NOX4: variants seen among roughly 807,000 people sequenced by gnomAD.
NOX4 encodes kidney oxidase-1.
Under a neutral mutation model 87.6 loss-of-function variants are expected in NOX4, and 69 were observed. The observed-to-expected ratio is 0.79, with a 90% CI of 0.65 to 0.96. NOX4 has a LOEUF of 0.96. Ranked by LOEUF, NOX4 falls within the 40% of genes least tolerant of loss-of-function variation. NOX4 has a pLI of 0.00. For missense variants in NOX4, 680 were observed against 681.5 expected (o/e 1.00, Z 0.02); for synonymous variants, 275 against 238.2 (o/e 1.15, Z -1.42).
chr11:89,488,445 G>A (rs1269409982), intron 2 of NOX4, among the ~76,000 whole-genome samples: 1 of 151,974 alleles, frequency 6.6e-6, no homozygotes, highest in Non-Finnish European at 1.5e-5. Context: ...GTGCATATGT[G>A]ATCTTAATCA....
At chr11:89,372,433 T>C (rs1939515437) in intron 12 of NOX4, among the ~76,000 whole-genome samples, 1 of 152,034 alleles carries the variant, frequency 6.6e-6, no homozygotes, top group South Asian at 2.1e-4. Context: ...ACTTTGTCTT[T>C]GTTTCATTTT....
At chr11:89,513,223 G>A in the NOX4 span, among the ~76,000 whole-genome samples, 2 of 151,886 alleles carry the variant, frequency 1.3e-5, no homozygotes. Context: ...AGGAAGCTGA[G>A]GCAGGAGAAC....
At chr11:89,430,322 C>A (rs568662207) in intron 7 of NOX4, among the ~76,000 whole-genome samples, 1 of 152,302 alleles carries the variant, frequency 6.6e-6, no homozygotes, top group African/African-American at 2.4e-5. Context: ...CTCACCCCTC[C>A]TATTCAACAT....
At chr11:89,329,356 G>GAAAAAAAAAAAAAAAAAAAAAAAAAAA (rs377055666) in intron 17 of NOX4, among the ~76,000 whole-genome samples, 2 of 34,718 alleles carry the variant, frequency 5.8e-5, no homozygotes, top group African/African-American at 2.6e-4. Flanking sequence ...GAAAAAAACT[G>GAAAAAAAAAAAAAAAAAAAAAAAAAAA]AAAAAAAAAA....
chr11:89,432,400 A>G (rs1385859426), intron 7 of NOX4, among the ~76,000 whole-genome samples: 1 of 152,034 alleles, frequency 6.6e-6, no homozygotes, highest in Non-Finnish European at 1.5e-5. Context: ...AATCTTAAAA[A>G]TAATGAAATA....
At chr11:89,460,098 A>G (rs562133407) in intron 2 of NOX4, among the ~76,000 whole-genome samples, 66 of 152,242 alleles carry the variant, frequency 4.3e-4, no homozygotes, top group African/African-American at 1.5e-3. Context: ...TGGGAAAACT[A>G]GCTAGCCATA....
chr11:89,404,426 T>A (rs1413156620), intron 8 of NOX4, among the ~76,000 whole-genome samples: 3 of 152,082 alleles, frequency 2.0e-5, no homozygotes, highest in Non-Finnish European at 2.9e-5. Context: ...AAACTCATGA[T>A]CTAGTTTGGA....
chr11:89,475,029 TTGTG>T (rs762265751), intron 2 of NOX4, among the ~76,000 whole-genome samples: 1 of 143,352 alleles, frequency 7.0e-6, no homozygotes, highest in Non-Finnish European at 1.6e-5. Context: ...TGTTTAAGTT[TTGTG>T]TTTTATTTAT....
the NOX4 span, among the ~76,000 whole-genome samples, chr11:89,582,737 T>A: frequency 5.9e-5 from 9 of 152,326 alleles, no homozygotes; most frequent in South Asian, 1.9e-3. Context: ...GTGCCTGCAA[T>A]CCAGTGAGCT....
chr11:89,430,647 G>A (rs1383625464), intron 7 of NOX4, among the ~76,000 whole-genome samples: 1 of 152,096 alleles, frequency 6.6e-6, no homozygotes, highest in Non-Finnish European at 1.5e-5. Context: ...CAACTTACAA[G>A]GGATGTGAAG....
rs145336321 is a variant in NOX4, at chr11:89,394,062, C to T, written c.1074+5955G>A. Among the ~76,000 whole-genome samples the T allele has an allele frequency of 8.1e-4, 124 of 152,152 alleles. 1 individual carries two copies. The highest frequency in any genetic ancestry group is 3.0e-3 in the African/African-American group (123 of 41,528). ...ATCACATCTTAAGAAGCAGGCCAGG[C>T]CATAGAAGGGACTTACTTAAAGCCC... On this transcript the variant is annotated intron_variant, in intron 11 of 17. Transcript: ENST00000263317.
intron 8 of NOX4, among the ~76,000 whole-genome samples, chr11:89,409,738 TAAAAAAAC>T (rs1942375111): frequency 6.6e-6 from 1 of 151,922 alleles, no homozygotes; most frequent in African/African-American, 2.4e-5. Flanking sequence ...GATATAAAGT[TAAAAAAAC>T]TTTATATCTT....
chr11:89,400,022 T>C lies in NOX4; in HGVS notation c.1069A>G (p.Thr357Ala). 1 of 1,605,692 alleles carries C rather than the reference T, an allele frequency of 6.2e-7. No homozygotes were observed. The highest frequency in any genetic ancestry group is 8.5e-7 in the Non-Finnish European group (1 of 1,173,892). Residue 357 changes from threonine (T) to alanine (A), a missense_variant, in exon 11 of 18, where the codon ACA becomes GCA. Coordinates refer to ENST00000263317, the MANE Select transcript of NOX4 (RefSeq NM_016931.5). ...GCAAGAGATATGTTTCTTACCATTGTGAGGGTAAATGGATGATTTTCTAAT... is the reference window on the plus strand; with the variant it reads ...GCAAGAGATATGTTTCTTACCATTGCGAGGGTAAATGGATGATTTTCTAAT... ...SALENHPFTL[T>A]MCPTETKATF...
chr11:89,503,495 C>T, the NOX4 span, among the ~76,000 whole-genome samples: 1 of 151,788 alleles, frequency 6.6e-6, no homozygotes, highest in Non-Finnish European at 1.5e-5. Context: ...TTCCTCTTTT[C>T]AGCTCATTAA....
chr11:89,355,437 T>A (rs1479181859), intron 12 of NOX4, among the ~76,000 whole-genome samples: 1 of 149,222 alleles, frequency 6.7e-6, no homozygotes, highest in African/African-American at 2.4e-5. Context: ...ATTTCTCATA[T>A]ATAAATATAA....
intron 8 of NOX4, 43 bp downstream of exon 8, chr11:89,421,859 T>G (rs202205476): frequency 8.1e-7 from 1 of 1,228,972 alleles, no homozygotes; most frequent in Non-Finnish European, 1.1e-6. Flanking sequence ...TTACCCCATT[T>G]TGGGGCACAA....
chr11:89,583,784 T>C, the NOX4 span, among the ~76,000 whole-genome samples: 6 of 152,292 alleles, frequency 3.9e-5, no homozygotes, highest in East Asian at 1.2e-3. Flanking sequence ...CTCTAAGGTC[T>C]GTCTTTTTAC....
rs1390622522 is a variant in NOX4, at chr11:89,325,488, T to C, written c.*1268A>G. 1 of 152,168 alleles carries C rather than the reference T, an allele frequency of 6.6e-6. No individual in the cohort carries two copies. Among genetic ancestry groups the C allele is most frequent in the Non-Finnish European group, 1.5e-5 (1 of 68,032 alleles). 9.4% of individuals were successfully genotyped at this position (152,168 alleles called of 1,614,324 possible). Reference sequence around the variant, plus strand: ...ATGATAGCCAGGGAACATAAGTTTATAAGATCACACAGTGTAGTTCCAACG... The same window carrying C: ...ATGATAGCCAGGGAACATAAGTTTACAAGATCACACAGTGTAGTTCCAACG... On this transcript the variant is annotated 3_prime_UTR_variant, in exon 18 of 18. Transcript: ENST00000263317.
rs1474336435 is a variant in NOX4, at chr11:89,400,066, T to C, written c.1025A>G (p.His342Arg). The change falls in exon 11 of 18, where the codon CAT becomes CGT. Residue 342 changes from histidine to arginine, a missense_variant. Physicochemically the swap from His to Arg is conservative, Grantham distance 29. Transcript: ENST00000263317. ...TTCTAATGCAGATACACTGGGACAATGTAGAGTAATATACTAAAAAGCAAC... is the reference window on the plus strand; with the variant it reads ...TTCTAATGCAGATACACTGGGACAACGTAGAGTAATATACTAAAAAGCAAC... ...KARPGQYITL[H>R]CPSVSALENH... 1 of 1,606,468 alleles carries C rather than the reference T, an allele frequency of 6.2e-7. No individual in the cohort carries two copies. Among genetic ancestry groups the C allele is most frequent in the Non-Finnish European group, 8.5e-7 (1 of 1,174,510 alleles).
Sources: allele counts gnomAD v4.1 joint callset (sites outside exome capture counted in the v4.1 genomes callset), GRCh38; gene constraint gnomAD v4.1.1; transcripts MANE v1.5; gene names NCBI Gene and HGNC (gene_info 2026-07-23, HGNC 2026-07-21).